The following KCNC4 variants were observed in gnomAD, a reference collection of about 807,000 sequenced individuals.
KCNC4 encodes the protein potassium voltage-gated channel subfamily C member 4.
A neutral mutation model predicts 42.8 loss-of-function variants in KCNC4; 23 were observed. The ratio of observed to expected loss-of-function variants is 0.54; its 90% CI spans 0.39 to 0.76. The LOEUF (loss-of-function observed/expected upper bound fraction) is 0.76, where lower values mean the gene tolerates loss of function less well. KCNC4 is among the 30% of genes least tolerant of loss of function. KCNC4 has a pLI of 0.00. For missense variants in KCNC4, 751 were observed against 898.2 expected (o/e 0.84, Z 2.10); for synonymous variants, 422 against 393.5 (o/e 1.07, Z -0.86).
At chr1:110,262,726 T>C (rs139777924) in intron 1 of KCNC4, among the ~76,000 whole-genome samples, 1 of 152,312 alleles carries the variant, frequency 6.6e-6, no homozygotes, top group East Asian at 1.9e-4. Flanking sequence ...TCCTCTCCCC[T>C]ACTAAGTGGA....
chr1:110,219,565 C>T (rs540456842), intron 1 of KCNC4, among the ~76,000 whole-genome samples: 1 of 152,300 alleles, frequency 6.6e-6, no homozygotes, highest in Admixed American at 6.5e-5. Flanking sequence ...AGGCTCGGAT[C>T]TCCACTGCCA....
intron 1 of KCNC4, among the ~76,000 whole-genome samples, chr1:110,263,022 C>A (rs1295669532): frequency 5.3e-5 from 8 of 152,224 alleles, no homozygotes; most frequent in Admixed American, 3.3e-4. Flanking sequence ...GACAGCATGA[C>A]CTCTGGTGTC....
chr1:110,268,919 G>A (rs1227271632), intron 1 of KCNC4, among the ~76,000 whole-genome samples: 1 of 151,552 alleles, frequency 6.6e-6, no homozygotes, highest in Non-Finnish European at 1.5e-5. Flanking sequence ...TAGTAGAGAC[G>A]GGGTTTCACC....
At chr1:110,245,526 T>G (rs1292825873) in exon 4 of KCNC4, 1 of 152,218 alleles carries the variant, frequency 6.6e-6, no homozygotes, top group South Asian at 2.1e-4. Context: ...AACATGGTAG[T>G]TATCCTGCAC....
Position 110,211,852 on chromosome 1 carries a change from C to T in KCNC4, c.353C>T (p.Pro118Leu). ...TACCGCACCGGCAAGCTGCACTGCCCCGCGGACGTGTGCGGGCCGCTCTTC... is the reference window on the plus strand; with the variant it reads ...TACCGCACCGGCAAGCTGCACTGCCTCGCGGACGTGTGCGGGCCGCTCTTC... The part of the protein sequence containing the change: ...NYYRTGKLHC[P>L]ADVCGPLFEE... The change falls in exon 1 of 4, where the codon CCC becomes CTC. Residue 118 changes from proline (P) to leucine (L), a missense_variant. By Grantham distance (98) the Pro-to-Leu change is moderately conservative. This residue lies in a region of KCNC4 where 183 missense variants were observed against 255.8 expected (regional missense o/e 0.72). Coordinates refer to ENST00000438661, the MANE Select transcript of KCNC4 (RefSeq NM_001039574.3). The surrounding 1 kb of genome is among the most constrained non-coding windows in gnomAD (Gnocchi z 6.5). The T allele has an allele frequency of 6.2e-7, 1 of 1,611,756 alleles. No homozygotes were observed. The highest frequency in any genetic ancestry group is 8.5e-7 in the Non-Finnish European group (1 of 1,179,856).
chr1:110,245,766 T>G (rs1659133171), exon 4 of KCNC4: 1 of 152,270 alleles, frequency 6.6e-6, no homozygotes, highest in African/African-American at 2.4e-5. Flanking sequence ...TGAAGAAGCT[T>G]GCTCAGTGCA....
Position 110,211,846 on chromosome 1 carries a change from A to G in KCNC4, c.347A>G (p.His116Arg). Residue 116 changes from histidine to arginine, a missense_variant, in exon 1 of 4, where the codon CAC becomes CGC. Physicochemically the swap from His to Arg is conservative, Grantham distance 29. Around this residue, in one of 4 missense-constraint regions of KCNC4, gnomAD observed 183 missense variants for 255.8 expected, o/e 0.72. Coordinates refer to ENST00000438661, the MANE Select transcript of KCNC4 (RefSeq NM_001039574.3). This position sits in a 1 kb window ranked among gnomAD's most constrained non-coding sequence, Gnocchi z 6.5. The part of the protein sequence containing the change: ...VLNYYRTGKL[H>R]CPADVCGPLF... ...AACTACTACCGCACCGGCAAGCTGCACTGCCCCGCGGACGTGTGCGGGCCG... is the reference window on the plus strand; with the variant it reads ...AACTACTACCGCACCGGCAAGCTGCGCTGCCCCGCGGACGTGTGCGGGCCG... 1 of 1,611,700 alleles carries G rather than the reference A, an allele frequency of 6.2e-7. No homozygotes were observed.
intron 1 of KCNC4, among the ~76,000 whole-genome samples, chr1:110,275,352 C>A (rs1557876261): frequency 1.3e-5 from 2 of 151,852 alleles, no homozygotes; most frequent in African/African-American, 4.8e-5. Context: ...ATTAAAAAGT[C>A]AAAAAAATAG....
At chr1:110,214,077 G>A (rs972682626) in intron 1 of KCNC4, among the ~76,000 whole-genome samples, 1 of 152,198 alleles carries the variant, frequency 6.6e-6, no homozygotes, top group Non-Finnish European at 1.5e-5. Flanking sequence ...CAAGCCAGGG[G>A]GCCTCTTTGA....
intron 1 of KCNC4, among the ~76,000 whole-genome samples, chr1:110,257,720 C>CAAAAAAAAAAAAAAAA (rs56333861): frequency 1.2e-4 from 11 of 90,972 alleles, no homozygotes; most frequent in African/African-American, 5.4e-4. Context: ...GACTCCGTCT[C>CAAAAAAAAAAAAAAAA]AAAAAAAAAA....
At chr1:110,262,406 G>A (rs1659470725) in intron 1 of KCNC4, among the ~76,000 whole-genome samples, 1 of 152,160 alleles carries the variant, frequency 6.6e-6, no homozygotes, top group African/African-American at 2.4e-5. Context: ...GCAACTGGGA[G>A]CTCAGTGACT....
At chr1:110,279,952 T>A (rs1659792791) in intron 1 of KCNC4, among the ~76,000 whole-genome samples, 1 of 151,950 alleles carries the variant, frequency 6.6e-6, no homozygotes, top group Non-Finnish European at 1.5e-5. Flanking sequence ...TACGCTCAGT[T>A]AATTTTTTGT....
chr1:110,212,283 C>G (rs1378971020), intron 1 of KCNC4, 106 bp downstream of exon 1: 1 of 1,199,596 alleles, frequency 8.3e-7, no homozygotes, highest in East Asian at 3.1e-5. Flanking sequence ...ACTTACCTTA[C>G]CACCGCAGAT....
intron 1 of KCNC4, among the ~76,000 whole-genome samples, chr1:110,260,823 G>C (rs578242876): frequency 7.2e-5 from 11 of 152,334 alleles, no homozygotes; most frequent in African/African-American, 2.2e-4. Context: ...CCAGCTACTC[G>C]GGAGGCTGAG....
chr1:110,213,137 G>A (rs1040863310), intron 1 of KCNC4, among the ~76,000 whole-genome samples: 1 of 146,574 alleles, frequency 6.8e-6, no homozygotes, highest in African/African-American at 2.6e-5. Context: ...GGGGAGAACG[G>A]GGGAGGTGCT....
Position 110,223,636 on chromosome 1 carries a change from C to G in KCNC4, c.1351C>G (p.Leu451Val). 1 of 1,614,132 alleles carries G rather than the reference C, an allele frequency of 6.2e-7. No individual in the cohort carries two copies. Among genetic ancestry groups the G allele is most frequent in the Non-Finnish European group, 8.5e-7 (1 of 1,180,044 alleles). Residue 451 changes from leucine to valine, a missense_variant, in exon 2 of 4, where the codon CTG becomes GTG. Physicochemically the swap from Leu to Val is conservative, Grantham distance 32. This residue lies in a region of KCNC4 where 185 missense variants were observed against 293.7 expected (regional missense o/e 0.63). Coordinates refer to ENST00000438661, the MANE Select transcript of KCNC4 (RefSeq NM_001039574.3). This position sits in a 1 kb window ranked among gnomAD's most constrained non-coding sequence, Gnocchi z 7.5. ...GTACCCCAAGACGTGGTCAGGCATG[C>G]TGGTAGGGGCACTGTGTGCACTGGC... ...DMYPKTWSGMLVGALCALAGV... is the reference protein window; with the variant it reads ...DMYPKTWSGMVVGALCALAGV...
At position 110,223,774 on chromosome 1, in the gene KCNC4, C is replaced by T. The variant is rs201533610; in HGVS notation, c.1489C>T (p.Pro497Ser). ...GCCCAAGAAACGGAAGAAGCACGTG[C>T]CACGGCCGGCGCAGCTGGAGTCACC... ...KLPKKRKKHV[P>S]RPAQLESPMY... Residue 497 changes from proline (P) to serine (S), a missense_variant, in exon 2 of 4, where the codon CCA becomes TCA. By Grantham distance (74) the Pro-to-Ser change is moderately conservative (BLOSUM62 -1). Transcript: ENST00000438661. The surrounding 1 kb of genome is among the most constrained non-coding windows in gnomAD (Gnocchi z 7.5). The T allele has an allele frequency of 1.5e-5, 24 of 1,614,154 alleles. No homozygotes were observed. The East Asian group carries it at 5.3e-4, about 36-fold the overall frequency.
At chr1:110,246,962 C>T (rs1659161930) in exon 4 of KCNC4, 1 of 152,140 alleles carries the variant, frequency 6.6e-6, no homozygotes, top group African/African-American at 2.4e-5. Flanking sequence ...TCATTCCACT[C>T]TCTACATCCA....
intron 1 of KCNC4, among the ~76,000 whole-genome samples, chr1:110,213,791 A>G (rs1657633540): frequency 6.6e-6 from 1 of 152,172 alleles, no homozygotes; most frequent in Non-Finnish European, 1.5e-5. Context: ...TAGTGTTAGC[A>G]CTTGGCTGTC....
Sources: allele counts gnomAD v4.1 joint callset (sites outside exome capture counted in the v4.1 genomes callset), GRCh38; gene constraint gnomAD v4.1.1; regional missense constraint gnomAD v4.1.1; non-coding constraint Gnocchi (gnomAD v3.1); transcripts MANE v1.5; gene names NCBI Gene and HGNC (gene_info 2026-07-23, HGNC 2026-07-21).